Variants in GRIK1 observed in about 807,000 individuals in gnomAD.
GRIK1 encodes glutamate receptor ionotropic, kainate 1.
GRIK1 carries 69 observed loss-of-function variants against 105.7 expected under a neutral mutation model. The observed-to-expected ratio is 0.65, with a 90% CI of 0.54 to 0.80. GRIK1 has a LOEUF of 0.80. GRIK1 is among the 30% of genes least tolerant of loss of function. GRIK1 has a pLI of 0.00. For missense variants in GRIK1, 1,109 were observed against 1,167.3 expected (o/e 0.95, Z 0.73); for synonymous variants, 438 against 431.3 (o/e 1.02, Z -0.19).
At chr21:29,575,230 T>C (rs1057189227) in intron 14 of GRIK1, among the ~76,000 whole-genome samples, 14 of 152,180 alleles carry the variant, frequency 9.2e-5, no homozygotes, top group Admixed American at 2.6e-4. Flanking sequence ...TACTTTTTTT[T>C]CCTAACCTTA....
intron 13 of GRIK1, 34 bp from the exon 14 acceptor site, chr21:29,577,215 C>G (rs746345281): frequency 2.5e-5 from 30 of 1,211,736 alleles, no homozygotes; most frequent in Middle Eastern, 2.1e-4. Context: ...GGGTGTTAAA[C>G]ACAGTCAGAA....
chr21:29,772,894 A>G (rs1161140453), intron 1 of GRIK1, among the ~76,000 whole-genome samples: 1 of 152,158 alleles, frequency 6.6e-6, no homozygotes, highest in Admixed American at 6.5e-5. Flanking sequence ...TGTATTTCCT[A>G]TATTCTTCTG....
At chr21:29,727,039 G>A (rs749516172) in intron 1 of GRIK1, among the ~76,000 whole-genome samples, 19 of 151,876 alleles carry the variant, frequency 1.3e-4, no homozygotes, top group Non-Finnish European at 2.5e-4. Context: ...AGGCTCAAGC[G>A]ATCCTTCCAC....
intron 1 of GRIK1, among the ~76,000 whole-genome samples, chr21:29,841,788 T>G (rs2146004955): frequency 6.6e-6 from 1 of 152,274 alleles, no homozygotes; most frequent in East Asian, 1.9e-4. Context: ...CCTCTACAAC[T>G]GCTTTCTCTC....
chr21:29,571,982 T>C (rs1000945145), intron 14 of GRIK1, among the ~76,000 whole-genome samples: 10 of 152,162 alleles, frequency 6.6e-5, no homozygotes, highest in African/African-American at 2.4e-4. Flanking sequence ...AGTTTCCTTA[T>C]TCATTCTACA....
intron 1 of GRIK1, among the ~76,000 whole-genome samples, chr21:29,769,641 C>T (rs1404353906): frequency 6.6e-6 from 1 of 152,124 alleles, no homozygotes; most frequent in Non-Finnish European, 1.5e-5. Context: ...CCGCTGGCCA[C>T]TCATCTCCTG....
intron 3 of GRIK1, among the ~76,000 whole-genome samples, chr21:29,677,877 G>A (rs2063301962): frequency 6.6e-6 from 1 of 152,172 alleles, no homozygotes; most frequent in Non-Finnish European, 1.5e-5. Flanking sequence ...TTTGATGCAT[G>A]AGTCCCCTCT....
At chr21:29,781,127 T>C (rs2066087030) in intron 1 of GRIK1, among the ~76,000 whole-genome samples, 1 of 152,224 alleles carries the variant, frequency 6.6e-6, no homozygotes, top group African/African-American at 2.4e-5. Flanking sequence ...ATCTCTTTTA[T>C]GTACACACAT....
chr21:29,687,038 C>A (rs541058689), intron 3 of GRIK1, among the ~76,000 whole-genome samples: 1 of 152,168 alleles, frequency 6.6e-6, no homozygotes, highest in East Asian at 1.9e-4. Flanking sequence ...CGAGGCGAGA[C>A]GAAACTTTGC....
chr21:29,667,628 T>C (rs1453692002), intron 4 of GRIK1, among the ~76,000 whole-genome samples: 1 of 152,180 alleles, frequency 6.6e-6, no homozygotes, highest in Non-Finnish European at 1.5e-5. Context: ...CCTCAATTTG[T>C]TCATGTAAAG....
intron 1 of GRIK1, among the ~76,000 whole-genome samples, chr21:29,745,933 C>G (rs1278659879): frequency 6.6e-6 from 1 of 152,066 alleles, no homozygotes; most frequent in East Asian, 1.9e-4. Flanking sequence ...GAAACCCCTT[C>G]TCTACTAAAA....
intron 2 of GRIK1, among the ~76,000 whole-genome samples, chr21:29,690,491 A>G (rs957445429): frequency 6.6e-6 from 1 of 152,260 alleles, no homozygotes; most frequent in African/African-American, 2.4e-5. Context: ...CAGGTAAATG[A>G]AATACTGCTA....
In GRIK1 at chr21:29,741,150, G is replaced by T. The variant is rs112248106; in HGVS notation, c.119-47087C>A. ...GTTCCTCCAAACTATCCTTTCTGGT[G>T]CTTTTCTTGTCCTTAAGACAATTTG... On this transcript the variant is annotated intron_variant, in intron 1 of 17. Coordinates refer to ENST00000327783, the MANE Select transcript of GRIK1 (RefSeq NM_001330994.2). 3.7e-3 allele frequency among the ~76,000 whole-genome samples: 568 copies of T among 152,248 alleles called. 1 individual carries two copies. The highest frequency in any genetic ancestry group is 0.013 in the African/African-American group (543 of 41,554).
At chr21:29,699,648 G>T (rs2063775066) in intron 1 of GRIK1, among the ~76,000 whole-genome samples, 2 of 151,552 alleles carry the variant, frequency 1.3e-5, no homozygotes, top group African/African-American at 4.8e-5. Context: ...ACATTTATCA[G>T]CATCTTTTTT....
intron 6 of GRIK1, among the ~76,000 whole-genome samples, chr21:29,644,244 T>G (rs895938113): frequency 1.3e-5 from 2 of 152,212 alleles, no homozygotes; most frequent in Admixed American, 6.6e-5. Context: ...TCATTATTAT[T>G]CTGTTCAATC....
At chr21:29,811,851 C>T (rs1394548237) in intron 1 of GRIK1, among the ~76,000 whole-genome samples, 1 of 152,174 alleles carries the variant, frequency 6.6e-6, no homozygotes, top group Non-Finnish European at 1.5e-5. Context: ...GGGTGTCAAG[C>T]GTGTTCCAGC....
intron 1 of GRIK1, among the ~76,000 whole-genome samples, chr21:29,888,149 C>G (rs2069708388): frequency 1.3e-5 from 1 of 78,260 alleles, no homozygotes; most frequent in South Asian, 4.6e-4. Flanking sequence ...CTCCCTCCCT[C>G]CCTCCTTTCT....
At chr21:29,926,095 C>T (rs1319425362) in intron 1 of GRIK1, among the ~76,000 whole-genome samples, 1 of 84,136 alleles carries the variant, frequency 1.2e-5, no homozygotes, top group African/African-American at 4.7e-5. Flanking sequence ...ATACCTAGAT[C>T]ATAAAAAGCT....
chr21:29,617,799 C>T (rs563888551), intron 7 of GRIK1, among the ~76,000 whole-genome samples: 5 of 152,300 alleles, frequency 3.3e-5, no homozygotes, highest in African/African-American at 9.6e-5. Context: ...TCAGGCCAAA[C>T]GGCATGCTGA....
Sources: gnomAD v4.1 joint callset for allele counts (sites outside exome capture counted in the v4.1 genomes callset) on GRCh38, gnomAD v4.1.1 for gene constraint, MANE v1.5 for transcripts, NCBI Gene and HGNC (gene_info 2026-07-23, HGNC 2026-07-21) for gene names.